ARCN1: variants seen among roughly 807,000 people sequenced by gnomAD.
ARCN1 encodes coatomer subunit delta.
In ARCN1, 5 loss-of-function variants were observed where a neutral mutation model predicts 60.4. The observed-to-expected ratio is 0.08, with a 90% CI of 0.04 to 0.17. The LOEUF (loss-of-function observed/expected upper bound fraction) is 0.17, where lower values mean the gene tolerates loss of function less well. ARCN1 is among the 10% of genes least tolerant of loss of function. The pLI, the probability that ARCN1 is intolerant of heterozygous loss-of-function variation, is 1.00. For missense variants in ARCN1, 464 were observed against 626.5 expected (o/e 0.74, Z 2.77); for synonymous variants, 224 against 220.0 (o/e 1.02, Z -0.16).
intron 6 of ARCN1, among the ~76,000 whole-genome samples, chr11:118,591,142 A>G (rs1168199439): frequency 6.6e-6 from 1 of 152,242 alleles, no homozygotes; most frequent in Non-Finnish European, 1.5e-5. Flanking sequence ...TCCTTTCAAT[A>G]TAAGTGTGTG....
At chr11:118,598,086 T>C (rs1391016766) in intron 9 of ARCN1, among the ~76,000 whole-genome samples, 175 bp downstream of exon 9, 1 of 152,208 alleles carries the variant, frequency 6.6e-6, no homozygotes, top group Non-Finnish European at 1.5e-5. Context: ...TCAAATTCTT[T>C]TATTGCTTTA....
Position 118,601,508 on chromosome 11 carries a change from A to C in ARCN1, c.*794A>C, listed in dbSNP as rs1228221124. 6.3e-6 allele frequency: 4 copies of C among 634,120 alleles called. No individual in the cohort carries two copies. Among genetic ancestry groups the C allele is most frequent in the Non-Finnish European group, 1.1e-5 (4 of 353,684 alleles). The allele number at this position is 634,120 out of a possible 1,614,324, so 39.3% of individuals were successfully genotyped here. A position where few individuals can be genotyped will look rare whatever the true frequency, so the allele number is the denominator to read the frequency against. On this transcript the variant is annotated 3_prime_UTR_variant, in exon 10 of 10. Transcript: ENST00000264028. ...TTTCTTTCTATACATTCAGTCAGGC[A>C]CTGGGATCATCTGTTTACAGGCATT...
At chr11:118,587,647 G>T (rs1403830404) in intron 5 of ARCN1, among the ~76,000 whole-genome samples, 6 of 152,070 alleles carry the variant, frequency 3.9e-5, no homozygotes, top group African/African-American at 1.4e-4. Flanking sequence ...AGATTTTTCC[G>T]CACACATCAA....
chr11:118,585,868 G>A (rs549505805), intron 5 of ARCN1, among the ~76,000 whole-genome samples: 1 of 152,254 alleles, frequency 6.6e-6, no homozygotes, highest in South Asian at 2.1e-4. Context: ...TTTGAAGCCA[G>A]TATGGAATAT....
rs1555078391 is a variant in ARCN1, at chr11:118,602,859, G to A, written c.*2145G>A. On this transcript the variant is annotated 3_prime_UTR_variant, in exon 10 of 10. Coordinates refer to ENST00000264028, the MANE Select transcript of ARCN1 (RefSeq NM_001655.5). ...ATTTTGTAACCCTGTAAAATACATA[G>A]GGAATATAACATTCCAGTGTATACA... is the stretch of plus-strand genomic sequence containing the variant. 6.5e-6 allele frequency: 1 copy of A among 153,492 alleles called. No individual in the cohort carries two copies. The allele number at this position is 153,492 out of a possible 1,614,324, so 9.5% of individuals were successfully genotyped here.
chr11:118,583,554 G>A (rs1318101942), intron 3 of ARCN1, among the ~76,000 whole-genome samples, 196 bp downstream of exon 3: 1 of 152,118 alleles, frequency 6.6e-6, no homozygotes, highest in Non-Finnish European at 1.5e-5. Context: ...AGGAGTTCAA[G>A]ACCAGACTGG....
At chr11:118,576,426 T>TAA (rs10671866) in intron 1 of ARCN1, among the ~76,000 whole-genome samples, 35,574 of 107,180 alleles carry the variant, frequency 0.33, 5,567 homozygotes, top group African/African-American at 0.44. Flanking sequence ...CCAAAAATGT[T>TAA]AAAAAAAAAA....
intron 1 of ARCN1, among the ~76,000 whole-genome samples, chr11:118,576,441 A>C (rs59610752): frequency 0.12 from 17,406 of 148,618 alleles, 1,613 homozygotes; most frequent in East Asian, 0.48. Flanking sequence ...AAAAAAAAAA[A>C]AAAAAAAACC....
intron 1 of ARCN1, among the ~76,000 whole-genome samples, chr11:118,576,587 GA>G (rs1409813278): frequency 3.4e-4 from 52 of 152,186 alleles, no homozygotes; most frequent in African/African-American, 1.3e-3. Context: ...TTAATGTAAA[GA>G]GGTTTATTAT....
Position 118,602,741 on chromosome 11 carries a change from G to T in ARCN1, c.*2027G>T, listed in dbSNP as rs1939175125. 1 of 153,632 alleles carries T rather than the reference G, an allele frequency of 6.5e-6. No homozygotes were observed. The highest frequency in any genetic ancestry group is 1.5e-5 in the Non-Finnish European group (1 of 68,020). The allele number at this position is 153,632 out of a possible 1,614,324, so 9.5% of individuals were successfully genotyped here. A position where few individuals can be genotyped will look rare whatever the true frequency, so the allele number is the denominator to read the frequency against. ...ACTAATCCAGTTTTGTTTGAAAGTT[G>T]TTTGTCCGTATGATTTTTTAAAAGT... On this transcript the variant is annotated 3_prime_UTR_variant, in exon 10 of 10. Transcript: ENST00000264028.
chr11:118,598,186 CACTT>C (rs1273486238), intron 9 of ARCN1, among the ~76,000 whole-genome samples: 2 of 152,014 alleles, frequency 1.3e-5, no homozygotes, highest in Non-Finnish European at 2.9e-5. Flanking sequence ...GATTCATAAA[CACTT>C]AGTTGCCTGT....
At chr11:118,586,666 C>CAA (rs1156444063) in intron 5 of ARCN1, among the ~76,000 whole-genome samples, 3 of 151,680 alleles carry the variant, frequency 2.0e-5, no homozygotes, top group Non-Finnish European at 1.5e-5. Context: ...CACTAAAATA[C>CAA]AAAAAATTAA....
Position 118,583,408 on chromosome 11 carries a change from G to C in ARCN1, c.447+50G>C, listed in dbSNP as rs781987168. 15 of 1,526,440 alleles carry C rather than the reference G, an allele frequency of 9.8e-6. No homozygotes were observed. In the African/African-American group the frequency reaches 1.8e-4, roughly 19 times the overall value. 94.6% of individuals were successfully genotyped at this position (1,526,440 alleles called of 1,614,324 possible). A position where few individuals can be genotyped will look rare whatever the true frequency, so the allele number is the denominator to read the frequency against. On this transcript the variant is annotated intron_variant, in intron 3 of 9. Transcript: ENST00000264028. ...ACCTGTTTGTATGTCTTTCTCTTAG[G>C]CTTCACTAATCTCATTTTCCTATTT...
chr11:118,574,919 C>T (rs1040478582), intron 1 of ARCN1, among the ~76,000 whole-genome samples: 3 of 151,992 alleles, frequency 2.0e-5, no homozygotes, highest in Non-Finnish European at 4.4e-5. Flanking sequence ...GGCATGCGGG[C>T]CTTGATTTGA....
rs201094957 is a variant in ARCN1, at chr11:118,590,510, T to C, written c.984+4T>C. The C allele has an allele frequency of 6.2e-7, 1 of 1,613,846 alleles. No individual in the cohort carries two copies. Among genetic ancestry groups the C allele is most frequent in the Admixed American group, 1.7e-5 (1 of 59,974 alleles). ...TAAGAAAGGGGTGCAGCTACAGGTGTGTAGAAGCTTTTGATAGGGAGTATT... is the reference window on the plus strand; with the variant it reads ...TAAGAAAGGGGTGCAGCTACAGGTGCGTAGAAGCTTTTGATAGGGAGTATT... On this transcript the variant is annotated splice_donor_region_variant and intron_variant, in intron 6 of 9. Coordinates refer to ENST00000264028, the MANE Select transcript of ARCN1 (RefSeq NM_001655.5).
chr11:118,594,942 C>T (rs1361052997), intron 8 of ARCN1, among the ~76,000 whole-genome samples: 1 of 152,012 alleles, frequency 6.6e-6, no homozygotes, highest in Non-Finnish European at 1.5e-5. Flanking sequence ...CTCCACCTCC[C>T]AGGTTCAAGC....
At chr11:118,598,739 C>T (rs183321665) in intron 9 of ARCN1, among the ~76,000 whole-genome samples, 64 of 152,008 alleles carry the variant, frequency 4.2e-4, no homozygotes, top group South Asian at 8.3e-4. Flanking sequence ...AGGTGATCTA[C>T]CCGCCTCAGC....
At chr11:118,595,091 T>C (rs1938997801) in intron 8 of ARCN1, among the ~76,000 whole-genome samples, 1 of 152,180 alleles carries the variant, frequency 6.6e-6, no homozygotes, top group Non-Finnish European at 1.5e-5. Flanking sequence ...CTCAAAATGA[T>C]CCACCTGCCT....
chr11:118,602,071 G>C lies in ARCN1; in HGVS notation c.*1357G>C, dbSNP rs1443537634. 3.8e-5 allele frequency: 10 copies of C among 262,992 alleles called. No individual in the cohort carries two copies. The highest frequency in any genetic ancestry group is 1.1e-4 in the African/African-American group (5 of 45,264). 16.3% of individuals were successfully genotyped at this position (262,992 alleles called of 1,614,324 possible). On this transcript the variant is annotated 3_prime_UTR_variant, in exon 10 of 10. Coordinates refer to ENST00000264028, the MANE Select transcript of ARCN1 (RefSeq NM_001655.5). Reference sequence around the variant, plus strand: ...AAGGCTGTGGGTTCAGGGAGTCTTTGCCAATCCTGTTGGCCCTAAACTATC... The same window carrying C: ...AAGGCTGTGGGTTCAGGGAGTCTTTCCCAATCCTGTTGGCCCTAAACTATC...
Sources: gnomAD v4.1 joint callset for allele counts (sites outside exome capture counted in the v4.1 genomes callset) on GRCh38, gnomAD v4.1.1 for gene constraint, MANE v1.5 for transcripts, NCBI Gene and HGNC (gene_info 2026-07-23, HGNC 2026-07-21) for gene names.